Variants in RERE observed in about 807,000 individuals in gnomAD.
The protein encoded by RERE is arginine-glutamic acid dipeptide repeats protein.
RERE carries 40 observed loss-of-function variants against 146.1 expected under a neutral mutation model. The ratio of observed to expected loss-of-function variants is 0.27; its 90% CI spans 0.21 to 0.36. The LOEUF is 0.36. RERE is among the 10% of genes least tolerant of loss of function. The probability of loss-of-function intolerance (pLI) is 1.00; values close to 1 mark genes in which losing one functional copy is unlikely to be tolerated. For missense variants in RERE, 1,933 were observed against 2,138.7 expected (o/e 0.90, Z 1.90); for synonymous variants, 1,003 against 866.0 (o/e 1.16, Z -2.78).
At chr1:8,685,567 C>G (rs1342559124) in intron 1 of RERE, among the ~76,000 whole-genome samples, 1 of 151,842 alleles carries the variant, frequency 6.6e-6, no homozygotes, top group Non-Finnish European at 1.5e-5. Flanking sequence ...TAAAAACACA[C>G]ACACAAAAAA....
intron 2 of RERE, among the ~76,000 whole-genome samples, chr1:8,640,978 A>G (rs762074838): frequency 2.0e-4 from 30 of 152,230 alleles, no homozygotes; most frequent in Non-Finnish European, 4.4e-5. Context: ...AAAACAACAA[A>G]TCACTCTTGT....
intron 6 of RERE, among the ~76,000 whole-genome samples, chr1:8,548,940 C>T (rs12120824): frequency 0.16 from 24,914 of 152,054 alleles, 2,356 homozygotes; most frequent in Middle Eastern, 0.29. Context: ...GCTGAGATCA[C>T]GCCACTGCAC....
chr1:8,735,967 CA>C (rs1399890152), intron 1 of RERE, among the ~76,000 whole-genome samples: 4 of 152,200 alleles, frequency 2.6e-5, no homozygotes, highest in African/African-American at 9.7e-5. Flanking sequence ...TTACCATATT[CA>C]ACCACTCTCC....
chr1:8,697,894 G>A (rs976500340), intron 1 of RERE, among the ~76,000 whole-genome samples: 3 of 152,204 alleles, frequency 2.0e-5, no homozygotes, highest in Non-Finnish European at 4.4e-5. Flanking sequence ...ATATTAGGGA[G>A]TAGATCTGGG....
chr1:8,681,455 T>TGA (rs1258673530), intron 1 of RERE, among the ~76,000 whole-genome samples: 3 of 152,328 alleles, frequency 2.0e-5, no homozygotes, highest in African/African-American at 7.2e-5. Flanking sequence ...CTATCGTAAA[T>TGA]ATTTGACTTT....
chr1:8,781,393 G>C (rs1641163034), intron 1 of RERE, among the ~76,000 whole-genome samples: 1 of 151,804 alleles, frequency 6.6e-6, no homozygotes. Context: ...AATTAGCTGG[G>C]TGTGGTGGCA....
intron 2 of RERE, among the ~76,000 whole-genome samples, chr1:8,631,128 G>C (rs937845490): frequency 6.6e-6 from 1 of 152,156 alleles, no homozygotes; most frequent in African/African-American, 2.4e-5. Flanking sequence ...TAAACTAAAA[G>C]GGATTTTGTT....
Position 8,360,757 on chromosome 1 carries a change from G to A in RERE, c.2750C>T (p.Pro917Leu), listed in dbSNP as rs1641536308. Reference protein sequence around the residue: ...LQSQQPPREQPLPPAPLAMPH... With the variant: ...LQSQQPPREQLLPPAPLAMPH... Reference sequence around the variant, plus strand: ...CATGGCCAAGGGCGCTGGTGGCAGGGGCTGCTCCCGTGGAGGCTGTTGGGA... The same window carrying A: ...CATGGCCAAGGGCGCTGGTGGCAGGAGCTGCTCCCGTGGAGGCTGTTGGGA... The change falls in exon 18 of 23, where the codon CCC becomes CTC. Residue 917 changes from proline (P) to leucine (L), a missense_variant. Coordinates refer to ENST00000400908, the MANE Select transcript of RERE (RefSeq NM_001042681.2). 3 of 1,600,578 alleles carry A rather than the reference G, an allele frequency of 1.9e-6. No homozygotes were observed. Among genetic ancestry groups the A allele is most frequent in the Non-Finnish European group, 2.5e-6 (3 of 1,177,208 alleles).
Position 8,512,104 on chromosome 1 carries a change from G to A in RERE, c.831-3429C>T, listed in dbSNP as rs977904807. On this transcript the variant is annotated intron_variant, in intron 7 of 22. Coordinates refer to ENST00000400908, the MANE Select transcript of RERE (RefSeq NM_001042681.2). ...TGCAGACTGCAGTGGCGCAATCTCGGCTCACTGCAAGCTCCGCTTCCCGGG... is the reference window on the plus strand; with the variant it reads ...TGCAGACTGCAGTGGCGCAATCTCGACTCACTGCAAGCTCCGCTTCCCGGG... Among the ~76,000 whole-genome samples, 8 of 132,144 alleles carry A rather than the reference G, an allele frequency of 6.1e-5. No homozygotes were observed. In the East Asian group the frequency reaches 1.4e-3, roughly 23 times the overall value. 86.7% of individuals were successfully genotyped at this position (132,144 alleles called of 152,430 possible).
intron 1 of RERE, chr1:8,798,634 C>T (rs1641527326): frequency 4.6e-6 from 1 of 219,118 alleles, no homozygotes. Flanking sequence ...ACTATCCCCA[C>T]AAACTGACAG....
intron 1 of RERE, among the ~76,000 whole-genome samples, chr1:8,777,073 A>C (rs1641078664): frequency 1.3e-5 from 2 of 152,178 alleles, no homozygotes; most frequent in Middle Eastern, 3.2e-3. Flanking sequence ...AAACAGTATC[A>C]AAGTCAAAAA....
Position 8,423,718 on chromosome 1 carries a change from CGGGGCCGCGCGGCGCGGGGCCCGGG to C in RERE, c.1204-936_1204-912del. ...CGGGTGGCTCGGCGTGTGACCGCGGCGGGGCCGCGCGGCGCGGGGCCCGGGGGGCGCGGGGCTGGGGCCGCCGCTG... is the reference window on the plus strand; with the variant it reads ...CGGGTGGCTCGGCGTGTGACCGCGGCGGGCGCGGGGCTGGGGCCGCCGCTG... On this transcript the variant is annotated intron_variant, in intron 11 of 22. Transcript: ENST00000400908. This position sits in a 1 kb window ranked among gnomAD's most constrained non-coding sequence, Gnocchi z 5.4. 1 of 979,608 alleles carries C rather than the reference CGGGGCCGCGCGGCGCGGGGCCCGGG, an allele frequency of 1.0e-6. No homozygotes were observed. Among genetic ancestry groups the C allele is most frequent in the South Asian group, 4.7e-5 (1 of 21,338 alleles). 60.7% of individuals were successfully genotyped at this position (979,608 alleles called of 1,614,324 possible).
intron 12 of RERE, among the ~76,000 whole-genome samples, chr1:8,413,929 C>T (rs1042392939): frequency 2.6e-4 from 39 of 151,726 alleles, no homozygotes; most frequent in African/African-American, 8.7e-4. Flanking sequence ...GTGGCGCATG[C>T]CTATAATCCC....
intron 1 of RERE, among the ~76,000 whole-genome samples, chr1:8,754,735 G>C (rs570415737): frequency 4.6e-5 from 7 of 152,304 alleles, no homozygotes; most frequent in Non-Finnish European, 7.4e-5. Flanking sequence ...TTCAGTGACT[G>C]TTAACATCTG....
rs149997275 is a variant in RERE, at chr1:8,573,257, C to A, written c.523-15734G>T. Among the ~76,000 whole-genome samples the A allele has an allele frequency of 4.6e-5, 7 of 152,282 alleles. No individual in the cohort carries two copies. In the East Asian group the frequency reaches 9.6e-4, roughly 21 times the overall value. ...GAACCTAAAGAAGCTGCCTGTGGAACCTGCCTACAGCCCAGAGGTAACCAC... is the reference window on the plus strand; with the variant it reads ...GAACCTAAAGAAGCTGCCTGTGGAAACTGCCTACAGCCCAGAGGTAACCAC... On this transcript the variant is annotated intron_variant, in intron 4 of 22. Coordinates refer to ENST00000400908, the MANE Select transcript of RERE (RefSeq NM_001042681.2).
chr1:8,525,951 C>T (rs761952721), intron 7 of RERE: 15 of 1,343,992 alleles, frequency 1.1e-5, no homozygotes, highest in Admixed American at 4.0e-5. Context: ...TCACGCAGAA[C>T]GCAGAAACTT....
At chr1:8,406,472 A>G (rs879777867) in intron 12 of RERE, among the ~76,000 whole-genome samples, 2 of 152,134 alleles carry the variant, frequency 1.3e-5, no homozygotes, top group Non-Finnish European at 1.5e-5. Context: ...CTTACTCTCA[A>G]ATGGTTCATG....
intron 3 of RERE, among the ~76,000 whole-genome samples, chr1:8,616,058 G>A (rs765270287): frequency 6.6e-6 from 1 of 152,086 alleles, no homozygotes; most frequent in Non-Finnish European, 1.5e-5. Flanking sequence ...AGATTCAATT[G>A]TGCACTTGAA....
intron 4 of RERE, among the ~76,000 whole-genome samples, chr1:8,568,022 T>C (rs1000686477): frequency 1.3e-5 from 2 of 152,160 alleles, no homozygotes; most frequent in Admixed American, 6.5e-5. Context: ...TCTGGGTGTG[T>C]CTGTACAGGT....
Sources: allele counts gnomAD v4.1 joint callset (sites outside exome capture counted in the v4.1 genomes callset), GRCh38; gene constraint gnomAD v4.1.1; non-coding constraint Gnocchi (gnomAD v3.1); transcripts MANE v1.5; gene names NCBI Gene and HGNC (gene_info 2026-07-23, HGNC 2026-07-21).